Variants in PPARGC1A observed in about 807,000 individuals in gnomAD.
PPARGC1A encodes the protein peroxisome proliferator-activated receptor gamma coactivator 1-alpha.
In PPARGC1A, 25 loss-of-function variants were observed where a neutral mutation model predicts 88.7. The observed-to-expected ratio is 0.28, with a 90% CI of 0.21 to 0.39. PPARGC1A has a LOEUF of 0.39. Among genes scored for constraint, PPARGC1A ranks in the 10% least tolerant of loss-of-function variants. The probability of loss-of-function intolerance (pLI) is 1.00; values close to 1 mark genes in which losing one functional copy is unlikely to be tolerated. For missense variants in PPARGC1A, 880 were observed against 968.7 expected (o/e 0.91, Z 1.22); for synonymous variants, 363 against 355.6 (o/e 1.02, Z -0.24).
At chr4:24,328,904 C>T in the PPARGC1A span, among the ~76,000 whole-genome samples, 1 of 152,194 alleles carries the variant, frequency 6.6e-6, no homozygotes, top group South Asian at 2.1e-4. Flanking sequence ...AGTCTCGGAA[C>T]CAAACTTGTA....
the PPARGC1A span, among the ~76,000 whole-genome samples, chr4:24,089,194 C>T: frequency 1.8e-4 from 28 of 152,258 alleles, no homozygotes; most frequent in Admixed American, 5.2e-4. Flanking sequence ...TGCATTACTA[C>T]CATGGATGGC....
chr4:24,198,498 G>T, the PPARGC1A span, among the ~76,000 whole-genome samples: 3 of 152,212 alleles, frequency 2.0e-5, no homozygotes, highest in East Asian at 5.8e-4. Flanking sequence ...TCAGGGCTAG[G>T]GTTAGACTTG....
the PPARGC1A span, among the ~76,000 whole-genome samples, chr4:24,464,538 T>G: frequency 6.6e-6 from 1 of 152,242 alleles, no homozygotes; most frequent in South Asian, 2.1e-4. Context: ...TCTTTGCATC[T>G]TTTTTGCTTG....
chr4:24,341,886 A>G, the PPARGC1A span, among the ~76,000 whole-genome samples: 1 of 152,174 alleles, frequency 6.6e-6, no homozygotes, highest in African/African-American at 2.4e-5. Flanking sequence ...TGAGTACATG[A>G]CTGTGGTCAA....
chr4:24,169,474 C>T, the PPARGC1A span, among the ~76,000 whole-genome samples: 1 of 152,062 alleles, frequency 6.6e-6, no homozygotes, highest in Admixed American at 6.6e-5. Context: ...GATGTTATAA[C>T]AGGGGAGACT....
chr4:23,859,080 C>T (rs1339903922), intron 2 of PPARGC1A, among the ~76,000 whole-genome samples: 1 of 151,496 alleles, frequency 6.6e-6, no homozygotes, highest in Non-Finnish European at 1.5e-5. Flanking sequence ...TAATACTAGC[C>T]CATTCCAGTA....
the PPARGC1A span, among the ~76,000 whole-genome samples, chr4:24,022,774 C>T: frequency 4.4e-4 from 67 of 152,184 alleles, 1 homozygote; most frequent in African/African-American, 1.5e-3. Context: ...GCTCAGGCCA[C>T]GTGTCCCTTT....
intron 2 of PPARGC1A, among the ~76,000 whole-genome samples, chr4:23,871,466 C>G (rs1713349642): frequency 6.6e-6 from 1 of 152,214 alleles, no homozygotes; most frequent in Non-Finnish European, 1.5e-5. Flanking sequence ...GGCATTTGCC[C>G]AGACTCTTCT....
chr4:24,275,428 CTATT>C, the PPARGC1A span, among the ~76,000 whole-genome samples: 9 of 152,060 alleles, frequency 5.9e-5, no homozygotes, highest in Admixed American at 4.6e-4. Flanking sequence ...ATTTAATATC[CTATT>C]TATTTATTCA....
chr4:23,892,633 A>G (rs746176924), upstream of PPARGC1A, among the ~76,000 whole-genome samples: 5 of 148,258 alleles, frequency 3.4e-5, no homozygotes, highest in African/African-American at 1.0e-4. Flanking sequence ...CCATTTCTCT[A>G]TTTAATTCTC....
the PPARGC1A span, among the ~76,000 whole-genome samples, chr4:24,235,599 G>T: frequency 1.3e-5 from 2 of 152,174 alleles, no homozygotes; most frequent in Non-Finnish European, 2.9e-5. Flanking sequence ...AACCTGGAGA[G>T]AAATTTTCAA....
At chr4:24,319,285 T>TGAGC in the PPARGC1A span, among the ~76,000 whole-genome samples, 1 of 152,158 alleles carries the variant, frequency 6.6e-6, no homozygotes, top group East Asian at 1.9e-4. Flanking sequence ...GAGGCTACAA[T>TGAGC]GAGCCATGGT....
chr4:24,428,791 A>G, the PPARGC1A span, among the ~76,000 whole-genome samples: 4 of 152,340 alleles, frequency 2.6e-5, no homozygotes, highest in African/African-American at 9.6e-5. Context: ...GGTGATTGGA[A>G]GCCCAACATT....
chr4:24,165,199 ATTTT>A, the PPARGC1A span, among the ~76,000 whole-genome samples: 1 of 152,106 alleles, frequency 6.6e-6, no homozygotes, highest in Admixed American at 6.6e-5. Context: ...AAAAATTTTA[ATTTT>A]TTTATTTAAA....
the PPARGC1A span, among the ~76,000 whole-genome samples, chr4:24,374,746 G>A: frequency 6.6e-6 from 1 of 152,080 alleles, no homozygotes; most frequent in Non-Finnish European, 1.5e-5. Context: ...ACTAACAAGT[G>A]TTGGCAAGGA....
At chr4:24,180,257 T>C in the PPARGC1A span, among the ~76,000 whole-genome samples, 2 of 152,214 alleles carry the variant, frequency 1.3e-5, no homozygotes, top group Admixed American at 1.3e-4. Context: ...GCAAACTACC[T>C]ATATTGTTAT....
At chr4:24,404,449 T>C in the PPARGC1A span, among the ~76,000 whole-genome samples, 1 of 152,178 alleles carries the variant, frequency 6.6e-6, no homozygotes, top group East Asian at 1.9e-4. Flanking sequence ...AAATCCTGAC[T>C]CATCAGGATT....
At chr4:24,082,451 G>A in the PPARGC1A span, among the ~76,000 whole-genome samples, 1 of 152,168 alleles carries the variant, frequency 6.6e-6, no homozygotes, top group East Asian at 1.9e-4. Context: ...TTTATACACT[G>A]TACAGTGGCT....
the PPARGC1A span, among the ~76,000 whole-genome samples, chr4:23,943,206 C>G: frequency 6.6e-6 from 1 of 152,032 alleles, no homozygotes; most frequent in South Asian, 2.1e-4. Context: ...GACTTTGACT[C>G]TGTGTTCTTC....
Sources: gnomAD v4.1 joint callset for allele counts (sites outside exome capture counted in the v4.1 genomes callset) on GRCh38, gnomAD v4.1.1 for gene constraint, MANE v1.5 for transcripts, NCBI Gene and HGNC (gene_info 2026-07-23, HGNC 2026-07-21) for gene names.